DPYD: variants seen among roughly 807,000 people sequenced by gnomAD.
DPYD encodes the protein dihydropyrimidine dehydrogenase [NADP(+)].
DPYD carries 109 observed loss-of-function variants against 116.2 expected under a neutral mutation model. That is an observed-to-expected ratio of 0.94 (90% confidence interval 0.80 to 1.10). The LOEUF is 1.10. Ranked by LOEUF, DPYD falls within the 50% of genes least tolerant of loss-of-function variation. The pLI is 0.00. For missense variants in DPYD, 1,302 were observed against 1,254.5 expected, an observed-to-expected ratio of 1.04 and a Z score of -0.57; for synonymous variants, 440 against 432.0, an observed-to-expected ratio of 1.02 and a Z score of -0.23.
Position 97,569,703 on chromosome 1 carries a change from A to G in DPYD, c.1339+4057T>C, listed in dbSNP as rs575472449. Among the ~76,000 whole-genome samples the G allele has an allele frequency of 2.0e-5, 3 of 152,036 alleles. No individual in the cohort carries two copies. The East Asian group carries it at 5.8e-4, about 29-fold the overall frequency. ...AACCATTTTGAGTTTTTCACAAGAAAGATATTTAAGGCTGACGTTATATCA... is the reference window on the plus strand; with the variant it reads ...AACCATTTTGAGTTTTTCACAAGAAGGATATTTAAGGCTGACGTTATATCA... On this transcript the variant is annotated intron_variant, in intron 11 of 22. Coordinates refer to ENST00000370192, the MANE Select transcript of DPYD (RefSeq NM_000110.4).
intron 2 of DPYD, among the ~76,000 whole-genome samples, chr1:97,877,909 C>T (rs7414112): frequency 6.6e-6 from 1 of 151,926 alleles, no homozygotes; most frequent in African/African-American, 2.4e-5. Flanking sequence ...GATTTCATCT[C>T]TTAATAGCCA....
At chr1:97,118,131 A>G (rs569532200) in intron 20 of DPYD, among the ~76,000 whole-genome samples, 1 of 151,980 alleles carries the variant, frequency 6.6e-6, no homozygotes, top group South Asian at 2.1e-4. Flanking sequence ...TTTCTTTTCA[A>G]ATGTCACCTT....
intron 20 of DPYD, among the ~76,000 whole-genome samples, chr1:97,128,348 C>G (rs908416324): frequency 6.6e-6 from 1 of 151,842 alleles, no homozygotes; most frequent in South Asian, 2.1e-4. Context: ...TTTTTTAAGC[C>G]TGACTCAAAG....
At chr1:97,363,700 G>C (rs1670871863) in intron 16 of DPYD, among the ~76,000 whole-genome samples, 1 of 152,054 alleles carries the variant, frequency 6.6e-6, no homozygotes, top group South Asian at 2.1e-4. Flanking sequence ...ACTAGCACAA[G>C]GACAAAAAAC....
chr1:97,212,700 T>G (rs1660115911), intron 19 of DPYD, among the ~76,000 whole-genome samples: 1 of 152,144 alleles, frequency 6.6e-6, no homozygotes, highest in African/African-American at 2.4e-5. Context: ...TGTGTGAGGA[T>G]TCCAGTTTCT....
chr1:97,119,787 C>T (rs1489987818), intron 20 of DPYD, among the ~76,000 whole-genome samples: 1 of 152,130 alleles, frequency 6.6e-6, no homozygotes, highest in Non-Finnish European at 1.5e-5. Context: ...ATTCCACCAG[C>T]AAGCAACATG....
chr1:97,762,216 T>C (rs1479785117), intron 3 of DPYD, among the ~76,000 whole-genome samples: 1 of 152,198 alleles, frequency 6.6e-6, no homozygotes, highest in African/African-American at 2.4e-5. Flanking sequence ...ATGAGGTACA[T>C]TCCAGAGAGG....
At chr1:97,103,530 GA>G (rs1350283561) in intron 20 of DPYD, among the ~76,000 whole-genome samples, 1 of 152,072 alleles carries the variant, frequency 6.6e-6, no homozygotes, top group Non-Finnish European at 1.5e-5. Flanking sequence ...TAAAATATAT[GA>G]AATATGAGTA....
chr1:97,707,456 A>G (rs1222692268), intron 5 of DPYD, among the ~76,000 whole-genome samples: 4 of 84,618 alleles, frequency 4.7e-5, no homozygotes, highest in Non-Finnish European at 8.5e-5. Context: ...CCCCCACCCC[A>G]CAACAGTCCC....
intron 18 of DPYD, among the ~76,000 whole-genome samples, chr1:97,294,887 C>T (rs1184917017): frequency 6.6e-6 from 1 of 152,072 alleles, no homozygotes. Context: ...GTAATATCGG[C>T]CCATAATTTT....
intron 13 of DPYD, among the ~76,000 whole-genome samples, chr1:97,504,197 A>G (rs1570854043): frequency 6.6e-6 from 1 of 151,980 alleles, no homozygotes. Context: ...AGAGCACTTT[A>G]TATGTGTTCC....
chr1:97,855,216 G>A (rs1670764299), intron 2 of DPYD: 1 of 152,328 alleles, frequency 6.6e-6, no homozygotes, highest in Admixed American at 6.5e-5. Flanking sequence ...ACCTGAGATA[G>A]CTCAGCAGTG....
At chr1:97,827,038 TG>T (rs1447056781) in intron 3 of DPYD, among the ~76,000 whole-genome samples, 1 of 152,086 alleles carries the variant, frequency 6.6e-6, no homozygotes, top group African/African-American at 2.4e-5. Flanking sequence ...GGCTTCAAAA[TG>T]AGGGCAGCTT....
At chr1:97,384,358 C>A (rs1375351392) in intron 14 of DPYD, among the ~76,000 whole-genome samples, 1 of 151,156 alleles carries the variant, frequency 6.6e-6, no homozygotes, top group Non-Finnish European at 1.5e-5. Flanking sequence ...AGAAGCATGT[C>A]TTTAAAGTTT....
chr1:97,858,259 A>G (rs1423282655), intron 2 of DPYD, among the ~76,000 whole-genome samples: 2 of 152,194 alleles, frequency 1.3e-5, no homozygotes, highest in Non-Finnish European at 2.9e-5. Context: ...TATGAAGTGC[A>G]TAACTAAATT....
At chr1:97,644,935 C>T (rs768454529) in intron 8 of DPYD, among the ~76,000 whole-genome samples, 7 of 152,022 alleles carry the variant, frequency 4.6e-5, no homozygotes, top group Admixed American at 1.3e-4. Context: ...TTAATGCATA[C>T]ACAAGAAAAA....
chr1:97,402,989 T>C (rs1208228787), intron 14 of DPYD, among the ~76,000 whole-genome samples: 1 of 152,132 alleles, frequency 6.6e-6, no homozygotes, highest in Non-Finnish European at 1.5e-5. Flanking sequence ...TAATTCTTTT[T>C]ATACATTGTT....
At chr1:97,758,493 T>C (rs889266771) in intron 3 of DPYD, among the ~76,000 whole-genome samples, 3 of 152,124 alleles carry the variant, frequency 2.0e-5, no homozygotes, top group Admixed American at 6.6e-5. Context: ...AAAATTTCAT[T>C]AGCAGTGAAA....
chr1:97,249,452 T>C (rs1662936987), intron 18 of DPYD, among the ~76,000 whole-genome samples: 1 of 152,028 alleles, frequency 6.6e-6, no homozygotes, highest in Non-Finnish European at 1.5e-5. Flanking sequence ...TCATATACAG[T>C]TTTTTTAAAG....
Sources: gnomAD v4.1 joint callset for allele counts (sites outside exome capture counted in the v4.1 genomes callset) on GRCh38, gnomAD v4.1.1 for gene constraint, MANE v1.5 for transcripts, NCBI Gene and HGNC (gene_info 2026-07-23, HGNC 2026-07-21) for gene names.